The following EYS variants were observed in gnomAD, a reference collection of about 807,000 sequenced individuals.
EYS encodes the protein protein eyes shut homolog.
Under a neutral mutation model 282.1 loss-of-function variants are expected in EYS, and 250 were observed. The ratio of observed to expected loss-of-function variants is 0.89; its 90% CI spans 0.80 to 0.98. The LOEUF (loss-of-function observed/expected upper bound fraction) is 0.98, where lower values mean the gene tolerates loss of function less well. Ranked by LOEUF, EYS falls within the 50% of genes least tolerant of loss-of-function variation. EYS has a pLI of 0.00. For synonymous variants in EYS, 1,355 were observed against 1,282.9 expected, an observed-to-expected ratio of 1.06 and a Z score of -1.20; for missense variants, 4,016 against 3,709.0, an observed-to-expected ratio of 1.08 and a Z score of -2.15.
chr6:65,394,971 G>A lies in EYS; in HGVS notation c.1184+7507C>T, dbSNP rs115842560. Among the ~76,000 whole-genome samples the A allele has an allele frequency of 2.6e-3, 398 of 152,180 alleles. 4 individuals are homozygous for A. Among genetic ancestry groups the A allele is most frequent in the African/African-American group, 9.4e-3 (391 of 41,496 alleles). ...CATATCTTCTCCTGTCATAGTCATA[G>A]CCAACCTTCCTGAGCATCCCCTCTA... On this transcript the variant is annotated intron_variant, in intron 7 of 42. Transcript: ENST00000503581.
intron 21 of EYS, among the ~76,000 whole-genome samples, chr6:64,818,323 T>A (rs1211523144): frequency 6.6e-6 from 1 of 152,164 alleles, no homozygotes; most frequent in Non-Finnish European, 1.5e-5. Flanking sequence ...CAGCATTAAT[T>A]CTAATTTTTA....
chr6:65,176,134 C>G (rs58047994), intron 12 of EYS, among the ~76,000 whole-genome samples: 4,504 of 151,588 alleles, frequency 0.03, 93 homozygotes, highest in African/African-American at 0.058. Flanking sequence ...TTTAAATCCA[C>G]AATACAGAAT....
intron 9 of EYS, among the ~76,000 whole-genome samples, chr6:65,347,441 A>G (rs890683291): frequency 4.0e-5 from 6 of 151,660 alleles, no homozygotes; most frequent in African/African-American, 1.2e-4. Context: ...TTTCTTTTGC[A>G]TTTTGATTTT....
At chr6:64,794,963 A>G (rs1774308997) in intron 22 of EYS, among the ~76,000 whole-genome samples, 1 of 152,132 alleles carries the variant, frequency 6.6e-6, no homozygotes, top group Non-Finnish European at 1.5e-5. Context: ...AGCCAGGTGC[A>G]GTGGCTCATG....
At chr6:64,237,627 A>G (rs1236034512) in intron 30 of EYS, among the ~76,000 whole-genome samples, 1 of 152,214 alleles carries the variant, frequency 6.6e-6, no homozygotes, top group Admixed American at 6.5e-5. Flanking sequence ...TTTAACTTTC[A>G]AAATCATAAG....
chr6:64,156,506 G>A (rs1006634118), intron 31 of EYS, among the ~76,000 whole-genome samples: 3 of 152,152 alleles, frequency 2.0e-5, no homozygotes, highest in Admixed American at 1.3e-4. Context: ...AAATGACTTC[G>A]GAACTAGGTA....
intron 12 of EYS, among the ~76,000 whole-genome samples, chr6:65,179,280 GT>G (rs972978281): frequency 1.3e-5 from 2 of 151,926 alleles, no homozygotes; most frequent in Non-Finnish European, 2.9e-5. Flanking sequence ...CCAGGAGCTG[GT>G]TTTTTGAAAA....
At chr6:65,653,747 G>T (rs1023572275) in intron 1 of EYS, among the ~76,000 whole-genome samples, 4 of 151,872 alleles carry the variant, frequency 2.6e-5, no homozygotes, top group African/African-American at 4.8e-5. Flanking sequence ...TAGCCGAAGA[G>T]TGGTGACTTT....
At chr6:64,273,084 C>T (rs1767994958) in intron 30 of EYS, among the ~76,000 whole-genome samples, 1 of 152,182 alleles carries the variant, frequency 6.6e-6, no homozygotes, top group African/African-American at 2.4e-5. Context: ...TATCTTACTG[C>T]ACTAACTAGA....
chr6:65,024,677 G>A (rs1323487847), intron 13 of EYS, among the ~76,000 whole-genome samples: 1 of 152,006 alleles, frequency 6.6e-6, no homozygotes, highest in East Asian at 1.9e-4. Context: ...GGAAATAATA[G>A]GTTTTGATAA....
intron 4 of EYS, among the ~76,000 whole-genome samples, chr6:65,492,653 G>A (rs1354442737): frequency 2.0e-5 from 3 of 152,028 alleles, no homozygotes; most frequent in Admixed American, 6.6e-5. Flanking sequence ...ATTTCCTCTA[G>A]TCTGCCTTAA....
intron 36 of EYS, among the ~76,000 whole-genome samples, chr6:63,838,342 G>T (rs531740376): frequency 4.4e-4 from 67 of 152,124 alleles, no homozygotes; most frequent in Non-Finnish European, 7.8e-4. Context: ...ATGTAAATCT[G>T]ATTAGGAGCT....
At chr6:64,253,705 G>T (rs964352465) in intron 30 of EYS, among the ~76,000 whole-genome samples, 1 of 152,128 alleles carries the variant, frequency 6.6e-6, no homozygotes, top group East Asian at 1.9e-4. Flanking sequence ...CAGGACCCTT[G>T]CTTCCTCTAA....
chr6:63,792,714 T>C (rs1172972727), intron 37 of EYS, among the ~76,000 whole-genome samples: 1 of 152,120 alleles, frequency 6.6e-6, no homozygotes, highest in Non-Finnish European at 1.5e-5. Context: ...TGTTTTTTTT[T>C]TCGTAATAAG....
At chr6:63,946,027 TA>T (rs1765387664) in intron 35 of EYS, among the ~76,000 whole-genome samples, 1 of 152,146 alleles carries the variant, frequency 6.6e-6, no homozygotes, top group Non-Finnish European at 1.5e-5. Flanking sequence ...TTACTGCCAC[TA>T]AACGCTATAA....
rs540460985 is a variant in EYS at position 65,414,159 on chromosome 6, A to C, written c.863-8792T>G. 2.6e-5 allele frequency among the ~76,000 whole-genome samples: 4 copies of C among 152,266 alleles called. No individual in the cohort carries two copies. The South Asian group carries it at 8.3e-4, about 32-fold the overall frequency. On this transcript the variant is annotated intron_variant, in intron 5 of 42. Coordinates refer to ENST00000503581, the MANE Select transcript of EYS (RefSeq NM_001142800.2). ...GAAAACAGCAAATGCAAAGACTTTG[A>C]GTTGAGAGCATGCTTAGGTATTCAA...
chr6:65,655,096 A>G (rs908127759), intron 1 of EYS, among the ~76,000 whole-genome samples: 1 of 151,256 alleles, frequency 6.6e-6, no homozygotes, highest in African/African-American at 2.4e-5. Flanking sequence ...ATGCATTTTT[A>G]TAATTAAAAT....
intron 1 of EYS, among the ~76,000 whole-genome samples, chr6:65,656,880 G>C (rs751586206): frequency 6.6e-6 from 1 of 151,928 alleles, no homozygotes; most frequent in African/African-American, 2.4e-5. Flanking sequence ...AGAAGTCAAT[G>C]CCTGGTTTCA....
chr6:64,045,021 G>T (rs879553506), intron 33 of EYS, among the ~76,000 whole-genome samples: 13 of 152,188 alleles, frequency 8.5e-5, no homozygotes, highest in Non-Finnish European at 1.3e-4. Flanking sequence ...TTGTCTCATT[G>T]TAATCAATCC....
Sources: allele counts gnomAD v4.1 joint callset (sites outside exome capture counted in the v4.1 genomes callset), GRCh38; gene constraint gnomAD v4.1.1; transcripts MANE v1.5; gene names NCBI Gene and HGNC (gene_info 2026-07-23, HGNC 2026-07-21).